Variants in PTPRQ observed in about 807,000 individuals in gnomAD.
PTPRQ encodes protein tyrosine phosphatase receptor type Q, also known as phosphatidylinositol phosphatase PTPRQ.
A neutral mutation model predicts 246.0 loss-of-function variants in PTPRQ; 199 were observed. The observed-to-expected ratio is 0.81, with a 90% CI of 0.72 to 0.91. The LOEUF (loss-of-function observed/expected upper bound fraction) is 0.91. Among genes scored for constraint, PTPRQ ranks in the 40% least tolerant of loss-of-function variants. The pLI is 0.00. For synonymous variants in PTPRQ, 869 were observed against 853.2 expected (o/e 1.02, Z -0.32); for missense variants, 2,624 against 2,528.4 (o/e 1.04, Z -0.81).
chr12:80,604,453 A>G (rs1898244867), intron 26 of PTPRQ, among the ~76,000 whole-genome samples: 7 of 151,608 alleles, frequency 4.6e-5, no homozygotes, highest in Admixed American at 3.3e-4. Flanking sequence ...ACAAATTAAG[A>G]AAGTAGAACA....
At chr12:80,634,874 A>G in intron 34 of PTPRQ, 71 bp from the exon 35 acceptor site, 1 of 1,511,138 alleles carries the variant, frequency 6.6e-7, no homozygotes, top group Non-Finnish European at 8.9e-7. Context: ...TTTACTTAAA[A>G]AGAAAACTAA....
chr12:80,631,486 T>A (rs77175675), intron 33 of PTPRQ, among the ~76,000 whole-genome samples: 10,029 of 152,244 alleles, frequency 0.066, 412 homozygotes, highest in East Asian at 0.13. Context: ...CTTTGGCCAG[T>A]AGGAGCCCCT....
chr12:80,632,721 A>T (rs772320262), intron 34 of PTPRQ, among the ~76,000 whole-genome samples: 1 of 152,184 alleles, frequency 6.6e-6, no homozygotes, highest in Non-Finnish European at 1.5e-5. Flanking sequence ...CTTCTAGCAC[A>T]TGCAACCTAT....
At chr12:80,669,195 T>C in intron 40 of PTPRQ, 54 bp downstream of exon 40, 2 of 1,534,388 alleles carry the variant, frequency 1.3e-6, no homozygotes, top group Admixed American at 2.1e-5. Context: ...TGTTAACATA[T>C]GTGTGAATAT....
intron 8 of PTPRQ, 107 bp downstream of exon 8, chr12:80,472,358 G>C: frequency 7.0e-7 from 1 of 1,419,202 alleles, no homozygotes; most frequent in Non-Finnish European, 9.5e-7. Flanking sequence ...CTTAAATCAT[G>C]TTATTTCCTT....
At chr12:80,623,852 G>T (rs981588466) in intron 33 of PTPRQ, among the ~76,000 whole-genome samples, 3 of 152,048 alleles carry the variant, frequency 2.0e-5, no homozygotes, top group African/African-American at 7.2e-5. Flanking sequence ...AAAAGGGGGG[G>T]AGCGCCAAGC....
rs567292234 is a variant in PTPRQ, at chr12:80,664,711, C to T, written c.6193-4296C>T. On this transcript the variant is annotated intron_variant, in intron 39 of 44. Transcript: ENST00000644991. ...AGCACCCTCAAATAAGACTTGGATA[C>T]TAAGCAAGCACAACACTGAATCAGC... is the stretch of plus-strand genomic sequence containing the variant. Among the ~76,000 whole-genome samples, 9 of 152,070 alleles carry T rather than the reference C, an allele frequency of 5.9e-5. 1 individual carries two copies. In the South Asian group the frequency reaches 1.7e-3, roughly 28 times the overall value.
intron 8 of PTPRQ, among the ~76,000 whole-genome samples, chr12:80,482,775 A>T (rs1351645567): frequency 6.6e-6 from 1 of 151,098 alleles, no homozygotes; most frequent in African/African-American, 2.5e-5. Context: ...ACATGAAAAA[A>T]TGCTTATCAT....
At chr12:80,587,209 T>C (rs867610817) in intron 25 of PTPRQ, among the ~76,000 whole-genome samples, 22 of 152,188 alleles carry the variant, frequency 1.4e-4, no homozygotes, top group South Asian at 2.1e-4. Context: ...TCTTTAGAGA[T>C]CAATGAGCTT....
At chr12:80,463,625 G>A (rs1372665605) in intron 6 of PTPRQ, among the ~76,000 whole-genome samples, 5 of 151,936 alleles carry the variant, frequency 3.3e-5, no homozygotes, top group South Asian at 2.1e-4. Context: ...GAGAAAGGTC[G>A]GGTTACCCAC....
chr12:80,585,765 G>T (rs1461789322), intron 25 of PTPRQ, among the ~76,000 whole-genome samples: 1 of 151,064 alleles, frequency 6.6e-6, no homozygotes, highest in African/African-American at 2.4e-5. Context: ...TAAGTTTTAG[G>T]GTACATGTGC....
chr12:80,581,658 C>T (rs1181060194), intron 25 of PTPRQ, among the ~76,000 whole-genome samples: 1 of 151,682 alleles, frequency 6.6e-6, no homozygotes, highest in Non-Finnish European at 1.5e-5. Flanking sequence ...TAAAAATTTC[C>T]ACATAATAAA....
intron 27 of PTPRQ, among the ~76,000 whole-genome samples, chr12:80,607,439 CTT>C (rs1898366169): frequency 6.8e-6 from 1 of 148,028 alleles, no homozygotes; most frequent in Non-Finnish European, 1.5e-5. Context: ...TATTTCCTTC[CTT>C]CCTTCCTTCC....
At chr12:80,580,024 G>A (rs1445147739) in intron 25 of PTPRQ, among the ~76,000 whole-genome samples, 4 of 152,174 alleles carry the variant, frequency 2.6e-5, no homozygotes, top group African/African-American at 9.6e-5. Context: ...TACTTATCCA[G>A]GTCAATGAGA....
chr12:80,483,348 G>A (rs544049331), intron 8 of PTPRQ, among the ~76,000 whole-genome samples: 75 of 137,060 alleles, frequency 5.5e-4, no homozygotes, highest in African/African-American at 2.0e-3. Context: ...GACACAGGAA[G>A]GGGAACATCA....
chr12:80,600,986 C>T (rs561495441), intron 26 of PTPRQ, among the ~76,000 whole-genome samples: 40 of 151,780 alleles, frequency 2.6e-4, no homozygotes, highest in African/African-American at 8.7e-4. Context: ...AGGGTCTTCA[C>T]GCTGGCCATT....
Position 80,669,002 on chromosome 12 carries a change from TC to T in PTPRQ, c.6193-4del, listed in dbSNP as rs1353410185. On this transcript the variant is annotated splice_region_variant and splice_polypyrimidine_tract_variant and intron_variant, in intron 39 of 44. Coordinates refer to ENST00000644991, the MANE Select transcript of PTPRQ (RefSeq NM_001145026.2). Reference sequence around the variant, plus strand: ...GATGCAGTGTTTGTAATTATATCCTTCTAGGGTTATTTATGTCCAAATGAAT... The same window carrying T: ...GATGCAGTGTTTGTAATTATATCCTTTAGGGTTATTTATGTCCAAATGAAT... 1.3e-6 allele frequency: 2 copies of T among 1,548,248 alleles called. No individual in the cohort carries two copies. The highest frequency in any genetic ancestry group is 2.7e-5 in the African/African-American group (2 of 72,840).
chr12:80,651,953 A>G (rs1336089610), intron 37 of PTPRQ, among the ~76,000 whole-genome samples: 5 of 152,120 alleles, frequency 3.3e-5, no homozygotes, highest in African/African-American at 1.2e-4. Flanking sequence ...AACTTATCCA[A>G]TTAAAAGAAA....
At chr12:80,619,679 T>C (rs1040593284) in intron 31 of PTPRQ, 137 bp downstream of exon 31, 31 of 549,746 alleles carry the variant, frequency 5.6e-5, no homozygotes, top group Non-Finnish European at 7.6e-5. Context: ...AATATTATTA[T>C]TAATGATACC....
Sources: gnomAD v4.1 joint callset for allele counts (sites outside exome capture counted in the v4.1 genomes callset) on GRCh38, gnomAD v4.1.1 for gene constraint, MANE v1.5 for transcripts, NCBI Gene and HGNC (gene_info 2026-07-23, HGNC 2026-07-21) for gene names.